The following ACSM2B variants were observed in gnomAD, a reference collection of about 807,000 sequenced individuals.
ACSM2B encodes acyl-coenzyme A synthetase ACSM2B, mitochondrial.
Under a neutral mutation model 78.6 loss-of-function variants are expected in ACSM2B, and 58 were observed. The observed-to-expected ratio is 0.74, with a 90% CI of 0.60 to 0.92. The LOEUF is 0.92. Among genes scored for constraint, ACSM2B ranks in the 40% least tolerant of loss-of-function variants. The pLI is 0.00. For synonymous variants in ACSM2B, 257 were observed against 256.8 expected (o/e 1.00, Z -0.01); for missense variants, 688 against 711.2 (o/e 0.97, Z 0.37).
intron 9 of ACSM2B, among the ~76,000 whole-genome samples, chr16:20,546,103 G>A (rs1290033921): frequency 2.6e-5 from 4 of 152,078 alleles, no homozygotes; most frequent in African/African-American, 9.7e-5. Context: ...ATTATGTCAA[G>A]ATTCACCCCA....
chr16:20,540,595 A>G, intron 13 of ACSM2B, 59 bp downstream of exon 13: 2 of 1,596,400 alleles, frequency 1.3e-6, no homozygotes, highest in South Asian at 1.1e-5. Context: ...GAAGATAAAT[A>G]TAACAGGAAA....
intron 2 of ACSM2B, among the ~76,000 whole-genome samples, chr16:20,561,102 T>C (rs11859223): frequency 0.19 from 28,243 of 151,810 alleles, 6,619 homozygotes; most frequent in African/African-American, 0.55. Flanking sequence ...TATTTCAGCC[T>C]TAAAAAGGAA....
chr16:20,560,625 C>T (rs1049527760), intron 2 of ACSM2B, among the ~76,000 whole-genome samples: 3 of 151,916 alleles, frequency 2.0e-5, no homozygotes, highest in Admixed American at 6.6e-5. Flanking sequence ...TTTACAGCAA[C>T]ACAAGAACAG....
intron 10 of ACSM2B, 137 bp downstream of exon 10, chr16:20,545,020 T>C (rs2015093885): frequency 8.1e-7 from 1 of 1,231,088 alleles, no homozygotes; most frequent in Middle Eastern, 3.0e-4. Context: ...TGGCAAAGCA[T>C]ACATTCTTGA....
intron 13 of ACSM2B, among the ~76,000 whole-genome samples, chr16:20,538,296 G>A (rs532168994): frequency 3.3e-4 from 50 of 152,268 alleles, no homozygotes; most frequent in African/African-American, 1.2e-3. Context: ...GCAAACTATG[G>A]CCCGCAGGCA....
intron 12 of ACSM2B, among the ~76,000 whole-genome samples, chr16:20,541,470 C>A (rs115372640): frequency 0.021 from 3,159 of 152,070 alleles, 123 homozygotes; most frequent in African/African-American, 0.072. Context: ...CCTTTATTTT[C>A]ACTGTGAACT....
At position 20,564,913 on chromosome 16, in the gene ACSM2B, T is replaced by A. The variant is rs1441699200; in HGVS notation, c.-8-60A>T. 1.0e-5 allele frequency: 16 copies of A among 1,529,628 alleles called. No homozygotes were observed. In the Admixed American group the frequency reaches 3.0e-4, roughly 29 times the overall value. The allele number at this position is 1,529,628 out of a possible 1,614,324, so 94.8% of individuals were successfully genotyped here. A position where few individuals can be genotyped will look rare whatever the true frequency, so the allele number is the denominator to read the frequency against. On this transcript the variant is annotated intron_variant, in intron 1 of 13. Coordinates refer to ENST00000329697, the MANE Select transcript of ACSM2B (RefSeq NM_001105069.2). ...CTTTAACAGATTGCTCTACTGATCA[T>A]CAGCGGCTTCAGGAGATTCATCCCA... is the stretch of plus-strand genomic sequence containing the variant.
rs555694066 is a variant in ACSM2B, at chr16:20,540,894, G to A, written c.1510-121C>T. ...GTATCTACTCATTTGCACCCCCGGT[G>A]ATCCAGGTCAAGGGAAAGGGAGAAA... On this transcript the variant is annotated intron_variant, in intron 12 of 13. Coordinates refer to ENST00000329697, the MANE Select transcript of ACSM2B (RefSeq NM_001105069.2). The A allele has an allele frequency of 1.9e-5, 27 of 1,420,220 alleles. No homozygotes were observed. In the East Asian group the frequency reaches 6.3e-4, roughly 33 times the overall value. The allele number at this position is 1,420,220 out of a possible 1,614,324, so 88.0% of individuals were successfully genotyped here. A position where few individuals can be genotyped will look rare whatever the true frequency, so the allele number is the denominator to read the frequency against.
chr16:20,567,987 G>T (rs890723489), intron 1 of ACSM2B, among the ~76,000 whole-genome samples: 1 of 141,574 alleles, frequency 7.1e-6, no homozygotes, highest in African/African-American at 2.6e-5. Context: ...AAATATTCAC[G>T]TATTTTTACA....
intron 1 of ACSM2B, among the ~76,000 whole-genome samples, chr16:20,572,673 C>G (rs1340967430): frequency 2.0e-5 from 3 of 151,044 alleles, no homozygotes; most frequent in African/African-American, 7.3e-5. Flanking sequence ...ATACATTTCC[C>G]AAACTTTTAG....
In ACSM2B at chr16:20,555,401, T is replaced by C. The variant is rs763653546; in HGVS notation, c.464A>G (p.Lys155Arg). ...ILYRLQMSKA[K>R]AIVAGDEVIQ... Reference sequence around the variant, plus strand: ...GACTTCATCCCCAGCAACAATAGCCTTGGCCTTAGACATCTGCAACCTATA... The same window carrying C: ...GACTTCATCCCCAGCAACAATAGCCCTGGCCTTAGACATCTGCAACCTATA... The change falls in exon 4 of 14, where the codon AAG becomes AGG. Residue 155 changes from lysine (K) to arginine (R), a missense_variant. By Grantham distance (26) the Lys-to-Arg change is conservative. Coordinates refer to ENST00000329697, the MANE Select transcript of ACSM2B (RefSeq NM_001105069.2). 1.2e-6 allele frequency: 2 copies of C among 1,613,820 alleles called. No individual in the cohort carries two copies. The highest frequency in any genetic ancestry group is 2.2e-5 in the East Asian group (1 of 44,876).
chr16:20,537,058 C>G lies in ACSM2B; in HGVS notation c.*200G>C. On this transcript the variant is annotated 3_prime_UTR_variant, in exon 14 of 14. Transcript: ENST00000329697. ...TTTCCTCTTTTTCTGTTACCCTCTCCTTTTCACTCTCTCTCATTCCTTCCC... is the reference window on the plus strand; with the variant it reads ...TTTCCTCTTTTTCTGTTACCCTCTCGTTTTCACTCTCTCTCATTCCTTCCC... The G allele has an allele frequency of 1.8e-6, 1 of 558,978 alleles. No individual in the cohort carries two copies. The highest frequency in any genetic ancestry group is 3.0e-6 in the Non-Finnish European group (1 of 334,766). 34.6% of individuals were successfully genotyped at this position (558,978 alleles called of 1,614,324 possible). A position where few individuals can be genotyped will look rare whatever the true frequency, so the allele number is the denominator to read the frequency against.
In ACSM2B at chr16:20,555,468, A is replaced by C; in HGVS notation, c.397T>G (p.Phe133Val). The change falls in exon 4 of 14, where the codon TTT becomes GTT. Residue 133 changes from phenylalanine to valine, a missense_variant. Transcript: ENST00000329697. ...TTCATCTGGATGGTTCCAGGCATAAAGATGAGACCTAAAGAAGCCAACAAT... is the reference window on the plus strand; with the variant it reads ...TTCATCTGGATGGTTCCAGGCATAACGATGAGACCTAAAGAAGCCAACAAT... Reference protein sequence around the residue: ...ILGCIRAGLIFMPGTIQMKST... With the variant: ...ILGCIRAGLIVMPGTIQMKST... The C allele has an allele frequency of 6.2e-7, 1 of 1,612,802 alleles. No individual in the cohort carries two copies. Among genetic ancestry groups the C allele is most frequent in the Non-Finnish European group, 8.5e-7 (1 of 1,179,000 alleles).
At chr16:20,574,367 T>C (rs1182279750) in intron 1 of ACSM2B, 3 of 152,170 alleles carry the variant, frequency 2.0e-5, no homozygotes, top group South Asian at 2.1e-4. Flanking sequence ...ATTTGTGCAA[T>C]AGTAGTCCTG....
chr16:20,558,721 T>G (rs1337254303), intron 3 of ACSM2B, among the ~76,000 whole-genome samples: 1 of 152,190 alleles, frequency 6.6e-6, no homozygotes, highest in Non-Finnish European at 1.5e-5. Context: ...AAGAGCCAAA[T>G]AGTAAATATT....
chr16:20,556,331 G>A (rs1180367870), intron 3 of ACSM2B, among the ~76,000 whole-genome samples: 1 of 152,186 alleles, frequency 6.6e-6, no homozygotes, highest in Non-Finnish European at 1.5e-5. Context: ...GCCAGGCATG[G>A]TGGCTCATGC....
Position 20,572,258 on chromosome 16 carries a change from T to C in ACSM2B, c.-9+3949A>G, listed in dbSNP as rs369255810. On this transcript the variant is annotated intron_variant, in intron 1 of 13. Transcript: ENST00000329697. ...TTAAAGCTCCTTTTAGCAGTTCTTG[T>C]AGTGCTGGCTTTCTAGTAGTGAATT... Among the ~76,000 whole-genome samples the C allele has an allele frequency of 4.5e-3, 662 of 147,950 alleles. 9 individuals are homozygous for C. The highest frequency in any genetic ancestry group is 0.03 in the South Asian group (134 of 4,532).
In ACSM2B at chr16:20,559,359, T is replaced by C. The variant is rs753136707; in HGVS notation, c.266A>G (p.Asn89Ser). ...GAGGATGTTGGCTGCCTGCTGGCTG[T>C]TTTCACTCAGTTCTCTGAAATTCCA... Reference protein sequence around the residue: ...LMWNFRELSENSQQAANILSG... With the variant: ...LMWNFRELSESSQQAANILSG... Residue 89 changes from asparagine to serine, a missense_variant, in exon 3 of 14, where the codon AAC becomes AGC. Transcript: ENST00000329697. The C allele has an allele frequency of 1.2e-6, 2 of 1,610,182 alleles. No individual in the cohort carries two copies.
In ACSM2B at chr16:20,541,140, G is replaced by A. The variant is rs373901842; in HGVS notation, c.1510-367C>T. ...TTCAGTGTTCCCGTCTGCAAAATGG[G>A]GATAAAATAGCCAAATTCAACTTAT... On this transcript the variant is annotated intron_variant, in intron 12 of 13. Transcript: ENST00000329697. 162 of 161,578 alleles carry A rather than the reference G, an allele frequency of 1.0e-3. 4 individuals are homozygous for A. The South Asian group carries it at 0.027, about 26-fold the overall frequency. 10.0% of individuals were successfully genotyped at this position (161,578 alleles called of 1,614,324 possible).
Sources: gnomAD v4.1 joint callset for allele counts (sites outside exome capture counted in the v4.1 genomes callset) on GRCh38, gnomAD v4.1.1 for gene constraint, MANE v1.5 for transcripts, NCBI Gene and HGNC (gene_info 2026-07-23, HGNC 2026-07-21) for gene names.